The following PCGF5 variants were observed in gnomAD, a reference collection of about 807,000 sequenced individuals.
PCGF5 encodes polycomb group RING finger protein 5.
PCGF5 carries 9 observed loss-of-function variants against 44.3 expected under a neutral mutation model. The ratio of observed to expected loss-of-function variants is 0.20; its 90% CI spans 0.12 to 0.35. The LOEUF is 0.35. Among genes scored for constraint, PCGF5 ranks in the 10% least tolerant of loss-of-function variants. The pLI, the probability that PCGF5 is intolerant of heterozygous loss-of-function variation, is 1.00. For missense variants in PCGF5, 146 were observed against 305.3 expected (o/e 0.48, Z 3.89); for synonymous variants, 95 against 102.5 (o/e 0.93, Z 0.44).
intron 2 of PCGF5, among the ~76,000 whole-genome samples, chr10:91,225,346 C>T (rs1354624623): frequency 6.7e-6 from 1 of 149,708 alleles, no homozygotes; most frequent in African/African-American, 2.4e-5. Context: ...AATTTAAAGC[C>T]TAAAGGGGTA....
chr10:91,226,329 A>G (rs986867730), intron 2 of PCGF5, among the ~76,000 whole-genome samples: 2 of 150,716 alleles, frequency 1.3e-5, no homozygotes, highest in African/African-American at 2.4e-5. Flanking sequence ...GTTAAGTGCA[A>G]TGAGGAAGGA....
intron 8 of PCGF5, among the ~76,000 whole-genome samples, chr10:91,265,478 G>A (rs1564655855): frequency 1.3e-5 from 2 of 151,942 alleles, no homozygotes; most frequent in Admixed American, 1.3e-4. Context: ...CATACTCTGT[G>A]TAATTTATTC....
At chr10:91,263,467 TA>T (rs1845973814) in intron 7 of PCGF5, among the ~76,000 whole-genome samples, 1 of 152,222 alleles carries the variant, frequency 6.6e-6, no homozygotes, top group South Asian at 2.1e-4. Context: ...ATACTCATCT[TA>T]AAGTTCAAAA....
At chr10:91,240,711 G>A (rs950151904) in intron 3 of PCGF5, 131 bp downstream of exon 3, 8 of 456,634 alleles carry the variant, frequency 1.8e-5, no homozygotes, top group Middle Eastern at 6.0e-4. Flanking sequence ...TCATTTTAAA[G>A]CATTTTATTT....
At chr10:91,247,371 A>G (rs1845493576) in intron 3 of PCGF5, among the ~76,000 whole-genome samples, 1 of 152,134 alleles carries the variant, frequency 6.6e-6, no homozygotes, top group East Asian at 1.9e-4. Context: ...CAGTAGAGTA[A>G]AAGAAGCAAA....
chr10:91,267,042 A>G (rs1402367604), intron 8 of PCGF5, among the ~76,000 whole-genome samples: 1 of 152,074 alleles, frequency 6.6e-6, no homozygotes, highest in African/African-American at 2.4e-5. Flanking sequence ...AAAATTCAGA[A>G]TCTTTCTAGA....
chr10:91,224,552 A>C (rs563090880), intron 2 of PCGF5, among the ~76,000 whole-genome samples: 1 of 152,302 alleles, frequency 6.6e-6, no homozygotes, highest in South Asian at 2.1e-4. Context: ...GCACAATTGT[A>C]GATAGGAGAC....
intron 1 of PCGF5, among the ~76,000 whole-genome samples, chr10:91,177,266 A>G (rs1341966501): frequency 6.6e-6 from 1 of 151,236 alleles, no homozygotes; most frequent in Non-Finnish European, 1.5e-5. Flanking sequence ...TTCCTCTGGA[A>G]GTTTTGTCTC....
At chr10:91,173,373 TTTTA>T (rs2133173620) in intron 1 of PCGF5, among the ~76,000 whole-genome samples, 1 of 152,320 alleles carries the variant, frequency 6.6e-6, no homozygotes, top group South Asian at 2.1e-4. Context: ...ATTTCTGCCT[TTTTA>T]TTTCTCTTTT....
At chr10:91,207,661 C>T (rs900554363) in intron 1 of PCGF5, among the ~76,000 whole-genome samples, 2 of 152,178 alleles carry the variant, frequency 1.3e-5, no homozygotes, top group African/African-American at 4.8e-5. Flanking sequence ...TAAAATCACA[C>T]ACTGTATTTA....
At chr10:91,199,790 A>G (rs7908796) in intron 1 of PCGF5, among the ~76,000 whole-genome samples, 1,610 of 109,816 alleles carry the variant, frequency 0.015, 32 homozygotes, top group African/African-American at 0.042. Flanking sequence ...TGGAGTAAAT[A>G]AACAAAGGAG....
chr10:91,180,886 G>T lies in PCGF5; in HGVS notation c.-184+17805G>T, dbSNP rs188770719. Among the ~76,000 whole-genome samples, 1,130 of 152,322 alleles carry T rather than the reference G, an allele frequency of 7.4e-3. 14 individuals are homozygous for T. The highest frequency in any genetic ancestry group is 0.026 in the African/African-American group (1,086 of 41,584). On this transcript the variant is annotated intron_variant, in intron 1 of 9. Coordinates refer to the PCGF5 transcript ENST00000614189. ...AAATAGTTTCTTCTAGTTCTGTGAA[G>T]AATGTCAATGGTAGTTTAATAGAAA...
At chr10:91,203,747 T>C (rs2133238603) in intron 1 of PCGF5, among the ~76,000 whole-genome samples, 1 of 152,350 alleles carries the variant, frequency 6.6e-6, no homozygotes, top group South Asian at 2.1e-4. Flanking sequence ...ACATTTTTCA[T>C]TTCCATTGTA....
At chr10:91,230,698 C>T (rs1000536804) in intron 2 of PCGF5, among the ~76,000 whole-genome samples, 3 of 152,252 alleles carry the variant, frequency 2.0e-5, no homozygotes, top group Admixed American at 2.0e-4. Flanking sequence ...CTCCCTACCC[C>T]ACTTCCATCC....
intron 1 of PCGF5, among the ~76,000 whole-genome samples, chr10:91,180,489 T>C (rs182575886): frequency 4.6e-5 from 7 of 152,354 alleles, no homozygotes; most frequent in Admixed American, 4.6e-4. Context: ...TTTAAGCCTT[T>C]AACCCATCTT....
intron 1 of PCGF5, among the ~76,000 whole-genome samples, chr10:91,205,927 T>C (rs998885221): frequency 6.6e-6 from 1 of 151,748 alleles, no homozygotes; most frequent in East Asian, 1.9e-4. Flanking sequence ...GAGGCTGAGG[T>C]GGGAGAATTG....
chr10:91,261,479 A>T, intron 7 of PCGF5, 55 bp downstream of exon 7: 1 of 1,350,278 alleles, frequency 7.4e-7, no homozygotes, highest in Non-Finnish European at 9.7e-7. Flanking sequence ...TTTGAAGTAA[A>T]ATTCTAACAA....
At chr10:91,157,579 A>C in the PCGF5 span, among the ~76,000 whole-genome samples, 1 of 152,202 alleles carries the variant, frequency 6.6e-6, no homozygotes. Flanking sequence ...AAATTCAGAC[A>C]AAAAAGACAA....
chr10:91,162,491 G>A (rs1025930625), upstream of PCGF5, among the ~76,000 whole-genome samples: 7 of 151,644 alleles, frequency 4.6e-5, no homozygotes, highest in African/African-American at 1.7e-4. Context: ...CTCCGTCTGT[G>A]GGGGGAGAAG....
Sources: allele counts gnomAD v4.1 joint callset (sites outside exome capture counted in the v4.1 genomes callset), GRCh38; gene constraint gnomAD v4.1.1; transcripts MANE v1.5; gene names NCBI Gene and HGNC (gene_info 2026-07-23, HGNC 2026-07-21).